Variants in STX3 observed in about 807,000 individuals in gnomAD.
The protein encoded by STX3 is syntaxin 3, also known as syntaxin-3.
STX3 carries 19 observed loss-of-function variants against 40.2 expected under a neutral mutation model. The ratio of observed to expected loss-of-function variants is 0.47; its 90% CI spans 0.33 to 0.69. The LOEUF (loss-of-function observed/expected upper bound fraction) is 0.69, where lower values mean the gene tolerates loss of function less well. STX3 is among the 30% of genes least tolerant of loss of function. STX3 has a pLI of 0.02. For synonymous variants in STX3, 122 were observed against 132.2 expected, an observed-to-expected ratio of 0.92 and a Z score of 0.53; for missense variants, 364 against 366.7, an observed-to-expected ratio of 0.99 and a Z score of 0.06.
intron 2 of STX3, among the ~76,000 whole-genome samples, chr11:59,785,772 A>G (rs984665960): frequency 1.3e-5 from 2 of 152,216 alleles, no homozygotes; most frequent in African/African-American, 4.8e-5. Flanking sequence ...ATCCTACTGT[A>G]TGACATTTTA....
chr11:59,773,085 G>A, intron 1 of STX3, 126 bp from the exon 2 acceptor site: 2 of 863,658 alleles, frequency 2.3e-6, no homozygotes, highest in East Asian at 2.5e-5. Flanking sequence ...TCAGAGAGCT[G>A]TTATGAGTTT....
chr11:59,761,698 C>G (rs889774369), intron 1 of STX3, among the ~76,000 whole-genome samples: 6 of 152,140 alleles, frequency 3.9e-5, no homozygotes, highest in Non-Finnish European at 7.3e-5. Context: ...TGGCAACTTT[C>G]CCCAGTCTCC....
chr11:59,803,334 T>C lies in STX3; in HGVS notation c.*2510T>C, dbSNP rs953347142. 5 of 1,215,240 alleles carry C rather than the reference T, an allele frequency of 4.1e-6. No homozygotes were observed. The highest frequency in any genetic ancestry group is 4.2e-5 in the South Asian group (1 of 23,942). The allele number at this position is 1,215,240 out of a possible 1,614,324, so 75.3% of individuals were successfully genotyped here. ...TCTGTGGGGAGGGTCAGACCTTCTT[T>C]CACTGACTTGAAACCTTTGTGTCTT... is the stretch of plus-strand genomic sequence containing the variant. On this transcript the variant is annotated 3_prime_UTR_variant, in exon 11 of 11. Coordinates refer to ENST00000337979, the MANE Select transcript of STX3 (RefSeq NM_004177.5).
chr11:59,768,838 C>CAA (rs1863410898), intron 1 of STX3, among the ~76,000 whole-genome samples: 1 of 151,916 alleles, frequency 6.6e-6, no homozygotes, highest in Non-Finnish European at 1.5e-5. Flanking sequence ...AAGCAAGGTC[C>CAA]AAAAATACTC....
In STX3 at chr11:59,805,381, A is replaced by C. The variant is rs1385604980; in HGVS notation, c.*4557A>C. On this transcript the variant is annotated 3_prime_UTR_variant, in exon 11 of 11. Transcript: ENST00000337979. ...AGGAGCACACAACTGCTAAGTTTGT[A>C]CTTTTGAAAGTAAATTATTCTTTGT... 6.6e-6 allele frequency: 1 copy of C among 152,190 alleles called. No individual in the cohort carries two copies. Among genetic ancestry groups the C allele is most frequent in the Non-Finnish European group, 1.5e-5 (1 of 68,024 alleles). 9.4% of individuals were successfully genotyped at this position (152,190 alleles called of 1,614,324 possible).
At chr11:59,795,733 T>C in intron 9 of STX3, 1 of 1,531,338 alleles carries the variant, frequency 6.5e-7, no homozygotes, top group Non-Finnish European at 8.8e-7. Context: ...TCATCTCAAC[T>C]GTCCTTCGTC....
In STX3 at chr11:59,793,380, A is replaced by G; in HGVS notation, c.541A>G (p.Ile181Val). Residue 181 changes from isoleucine to valine, a missense_variant and splice_region_variant, in exon 8 of 11, where the codon ATC becomes GTC. Transcript: ENST00000337979. ...ACAGTCTGTGTGTGGCCTGTTGTAGATCATTGACTCACAGATTTCCAAGCA... is the reference window on the plus strand; with the variant it reads ...ACAGTCTGTGTGTGGCCTGTTGTAGGTCATTGACTCACAGATTTCCAAGCA... ...SGNPAIFTSG[I>V]IDSQISKQAL... is the part of the protein sequence containing the mutation. 6.2e-7 allele frequency: 1 copy of G among 1,613,556 alleles called. No individual in the cohort carries two copies. The highest frequency in any genetic ancestry group is 8.5e-7 in the Non-Finnish European group (1 of 1,179,670).
At chr11:59,764,033 A>T (rs1455185295) in intron 1 of STX3, among the ~76,000 whole-genome samples, 1 of 151,938 alleles carries the variant, frequency 6.6e-6, no homozygotes, top group Admixed American at 6.5e-5. Flanking sequence ...AAAAAAAAAT[A>T]AAAGGAATGA....
At chr11:59,757,940 C>T (rs894705081) in intron 1 of STX3, among the ~76,000 whole-genome samples, 3 of 152,170 alleles carry the variant, frequency 2.0e-5, no homozygotes, top group South Asian at 2.1e-4. Context: ...ACAAGATATG[C>T]GTCTTCTCCC....
chr11:59,781,830 G>A, intron 2 of STX3: 1 of 1,054,808 alleles, frequency 9.5e-7, no homozygotes. Flanking sequence ...AAGACTGCTT[G>A]GGATTCTGTC....
chr11:59,754,801 GC>G (rs1862623568), upstream of STX3: 1 of 152,180 alleles, frequency 6.6e-6, no homozygotes, highest in South Asian at 2.1e-4. Context: ...ACATCGAGCT[GC>G]TTACGTTTCT....
At chr11:59,762,450 A>G (rs1215645724) in intron 1 of STX3, among the ~76,000 whole-genome samples, 1 of 152,264 alleles carries the variant, frequency 6.6e-6, no homozygotes, top group Non-Finnish European at 1.5e-5. Context: ...GTCATGGTCA[A>G]TAGAAAGCAC....
intron 1 of STX3, among the ~76,000 whole-genome samples, chr11:59,771,497 T>C (rs1863644156): frequency 1.3e-5 from 2 of 148,878 alleles, no homozygotes; most frequent in African/African-American, 2.5e-5. Context: ...TGTCGAAAGT[T>C]TGTGCAAAGT....
intron 7 of STX3, 93 bp downstream of exon 7, chr11:59,793,265 G>A: frequency 6.2e-7 from 1 of 1,606,468 alleles, no homozygotes; most frequent in Non-Finnish European, 8.5e-7. Flanking sequence ...AGGGGGAGCT[G>A]CAGGTGCAGG....
intron 2 of STX3, among the ~76,000 whole-genome samples, chr11:59,779,045 T>A (rs918886608): frequency 5.3e-5 from 8 of 151,898 alleles, no homozygotes; most frequent in African/African-American, 1.9e-4. Context: ...ACCATGTTGG[T>A]CAGGCTGGTC....
intron 2 of STX3, among the ~76,000 whole-genome samples, chr11:59,785,383 A>G (rs76893483): frequency 0.1 from 15,787 of 152,036 alleles, 1,147 homozygotes; most frequent in African/African-American, 0.2. Context: ...CAGGCGGGAA[A>G]TGCAGTGGCA....
intron 1 of STX3, 151 bp from the exon 2 acceptor site, chr11:59,773,060 C>G (rs943424640): frequency 1.5e-6 from 1 of 688,400 alleles, no homozygotes; most frequent in African/African-American, 1.8e-5. Context: ...TGTTGAGACA[C>G]CGGAATTTGA....
intron 10 of STX3, chr11:59,799,825 T>C (rs1302635625): frequency 9.1e-6 from 9 of 985,292 alleles, no homozygotes; most frequent in South Asian, 9.4e-5. Context: ...ATTTTTTTTT[T>C]CCCCTCTTTT....
intron 1 of STX3, 84 bp downstream of exon 1, chr11:59,755,719 G>T: frequency 3.5e-6 from 5 of 1,440,488 alleles, no homozygotes; most frequent in Non-Finnish European, 4.6e-6. Context: ...GTCGAGGCTG[G>T]AGGGGGGCCC....
Sources: allele counts gnomAD v4.1 joint callset (sites outside exome capture counted in the v4.1 genomes callset), GRCh38; gene constraint gnomAD v4.1.1; transcripts MANE v1.5; gene names NCBI Gene and HGNC (gene_info 2026-07-23, HGNC 2026-07-21).